The following PDE5A variants were observed in gnomAD, a reference collection of about 807,000 sequenced individuals.
The protein encoded by PDE5A is cGMP-specific 3',5'-cyclic phosphodiesterase.
PDE5A carries 67 observed loss-of-function variants against 110.2 expected under a neutral mutation model. The observed-to-expected ratio is 0.61, with a 90% confidence interval of 0.50 to 0.75. The LOEUF (loss-of-function observed/expected upper bound fraction) is 0.75, where lower values mean the gene tolerates loss of function less well. PDE5A is among the 30% of genes least tolerant of loss of function. The pLI, the probability that PDE5A is intolerant of heterozygous loss-of-function variation, is 0.00. For synonymous variants in PDE5A, 328 were observed against 351.2 expected (o/e 0.93, Z 0.74); for missense variants, 862 against 1,045.1 (o/e 0.82, Z 2.42).
At chr4:119,566,590 A>C (rs1419892005) in intron 4 of PDE5A, among the ~76,000 whole-genome samples, 5 of 152,136 alleles carry the variant, frequency 3.3e-5, no homozygotes. Flanking sequence ...CTAAATTTAC[A>C]TCATCCAGCC....
intron 3 of PDE5A, among the ~76,000 whole-genome samples, chr4:119,593,045 A>G (rs1338526040): frequency 6.6e-6 from 1 of 152,238 alleles, no homozygotes; most frequent in African/African-American, 2.4e-5. Flanking sequence ...ATCTCTCAGT[A>G]GAATGCCTAG....
chr4:119,606,448 T>C lies in PDE5A; in HGVS notation c.741+261A>G, dbSNP rs137976942. Among the ~76,000 whole-genome samples the C allele has an allele frequency of 5.6e-3, 855 of 152,244 alleles. 24 individuals are homozygous for C. The highest frequency in any genetic ancestry group is 0.05 in the Admixed American group (757 of 15,282). On this transcript the variant is annotated intron_variant, in intron 2 of 20. Coordinates refer to ENST00000354960, the MANE Select transcript of PDE5A (RefSeq NM_001083.4). ...TAACCATGAGATGAGCTATATTAAA[T>C]TATCATTAAGGAGAAAAACAAGATG...
chr4:119,532,192 T>C (rs1204796665), intron 11 of PDE5A, among the ~76,000 whole-genome samples: 2 of 152,172 alleles, frequency 1.3e-5, no homozygotes, highest in Admixed American at 6.6e-5. Context: ...GATTCATTCA[T>C]TGATTCAATC....
intron 3 of PDE5A, among the ~76,000 whole-genome samples, chr4:119,590,125 A>T (rs1728911743): frequency 1.3e-5 from 2 of 152,124 alleles, no homozygotes. Flanking sequence ...TAGTTATGTG[A>T]CTTTGAGCAA....
intron 9 of PDE5A, chr4:119,551,962 C>T (rs1423289679): frequency 1.3e-5 from 2 of 152,136 alleles, no homozygotes; most frequent in East Asian, 3.8e-4. Flanking sequence ...TAAAATCCTA[C>T]TTAACCTTTA....
chr4:119,512,488 TA>T (rs1725779780), intron 14 of PDE5A: 1 of 152,106 alleles, frequency 6.6e-6, no homozygotes, highest in South Asian at 2.1e-4. Context: ...CTATGGGAGT[TA>T]GTTAGGAGAC....
At chr4:119,510,816 T>G (rs1289146311) in intron 15 of PDE5A, among the ~76,000 whole-genome samples, 1 of 152,086 alleles carries the variant, frequency 6.6e-6, no homozygotes, top group Non-Finnish European at 1.5e-5. Context: ...AATAGCCACG[T>G]AGAGTAGAAT....
intron 12 of PDE5A, among the ~76,000 whole-genome samples, chr4:119,521,954 A>G (rs1341467436): frequency 1.3e-5 from 2 of 152,106 alleles, no homozygotes; most frequent in Non-Finnish European, 2.9e-5. Context: ...CCCTACATGT[A>G]TCACTGGAGT....
In PDE5A at chr4:119,553,694, T is replaced by G. The variant is rs200427991; in HGVS notation, c.1252A>C (p.Thr418Pro). The change falls in exon 8 of 21, where the codon ACT becomes CCT. Residue 418 changes from threonine to proline, a missense_variant. By Grantham distance (38) the Thr-to-Pro change is conservative (BLOSUM62 -1). Transcript: ENST00000354960. ...NYMYAQYVKNTMEPLNIPDVS... is the reference protein window; with the variant it reads ...NYMYAQYVKNPMEPLNIPDVS... ...TCTGGGATATTAAGTGGTTCCATAG[T>G]ATTTTTGACATACTGAGCATACATG... 2 of 1,602,704 alleles carry G rather than the reference T, an allele frequency of 1.2e-6. No homozygotes were observed. The highest frequency in any genetic ancestry group is 2.7e-5 in the African/African-American group (2 of 74,704).
chr4:119,622,014 A>T (rs901935416), intron 1 of PDE5A, among the ~76,000 whole-genome samples: 1 of 152,014 alleles, frequency 6.6e-6, no homozygotes, highest in Non-Finnish European at 1.5e-5. Context: ...AATAAAAAAA[A>T]ATACAAAACA....
At chr4:119,550,505 C>T (rs3822195) in intron 9 of PDE5A, 41,234 of 152,114 alleles carry the variant, frequency 0.27, 5,646 homozygotes, top group East Asian at 0.38. Flanking sequence ...GCTGTGAGTC[C>T]GACCCCCAGT....
chr4:119,596,146 C>T (rs900480481), intron 3 of PDE5A, among the ~76,000 whole-genome samples: 19 of 151,836 alleles, frequency 1.3e-4, no homozygotes, highest in African/African-American at 3.9e-4. Context: ...GAATGAAATC[C>T]GTTAATGACC....
intron 19 of PDE5A, 39 bp downstream of exon 19, chr4:119,502,539 AAAC>A: frequency 7.4e-6 from 9 of 1,215,856 alleles, no homozygotes; most frequent in Middle Eastern, 2.0e-4. Flanking sequence ...ATTAAAAAAA[AAAC>A]AATTTGAATA....
chr4:119,575,741 TG>T (rs1290748399), intron 3 of PDE5A, among the ~76,000 whole-genome samples: 4 of 152,134 alleles, frequency 2.6e-5, no homozygotes, highest in African/African-American at 9.7e-5. Flanking sequence ...CATGCCAAAC[TG>T]TAAAGACCAT....
chr4:119,596,457 T>C, intron 3 of PDE5A, 66 bp downstream of exon 3: 1 of 819,334 alleles, frequency 1.2e-6, no homozygotes, highest in Non-Finnish European at 1.9e-6. Flanking sequence ...GCAAAGTAAA[T>C]ACAAAATATT....
intron 20 of PDE5A, among the ~76,000 whole-genome samples, chr4:119,500,551 C>CT: frequency 6.6e-6 from 1 of 152,104 alleles, no homozygotes; most frequent in East Asian, 1.9e-4. Flanking sequence ...GACAAATGTT[C>CT]TTTTTCCAAA....
chr4:119,606,673 C>T (rs199900336), intron 2 of PDE5A, 36 bp downstream of exon 2: 2 of 1,514,612 alleles, frequency 1.3e-6, no homozygotes, highest in East Asian at 4.5e-5. Context: ...AGTCCCCTCC[C>T]CAGCACTGGT....
intron 20 of PDE5A, among the ~76,000 whole-genome samples, chr4:119,500,471 A>AATCTG (rs1725264602): frequency 6.6e-6 from 1 of 151,692 alleles, no homozygotes; most frequent in African/African-American, 2.4e-5. Context: ...TCAATTACTA[A>AATCTG]ATCTGAAATA....
At chr4:119,570,678 T>C (rs1728109577) in intron 3 of PDE5A, among the ~76,000 whole-genome samples, 1 of 152,084 alleles carries the variant, frequency 6.6e-6, no homozygotes, top group South Asian at 2.1e-4. Flanking sequence ...GCCCCAGACA[T>C]TTACTGAGGT....
Sources: gnomAD v4.1 joint callset for allele counts (sites outside exome capture counted in the v4.1 genomes callset) on GRCh38, gnomAD v4.1.1 for gene constraint, MANE v1.5 for transcripts, NCBI Gene and HGNC (gene_info 2026-07-23, HGNC 2026-07-21) for gene names.